NUP214: variants seen among roughly 807,000 people sequenced by gnomAD.
NUP214 encodes nucleoporin 214.
Under a neutral mutation model 196.2 loss-of-function variants are expected in NUP214, and 79 were observed. That is an observed-to-expected ratio of 0.40 (90% confidence interval 0.34 to 0.49). NUP214 has a LOEUF of 0.49. Among genes scored for constraint, NUP214 ranks in the 20% least tolerant of loss-of-function variants. The pLI is 0.58. For missense variants in NUP214, 2,468 were observed against 2,539.0 expected, an observed-to-expected ratio of 0.97 and a Z score of 0.60; for synonymous variants, 1,020 against 990.5, an observed-to-expected ratio of 1.03 and a Z score of -0.56.
chr9:131,179,020 G>A (rs140471895), intron 24 of NUP214, among the ~76,000 whole-genome samples: 2 of 151,948 alleles, frequency 1.3e-5, no homozygotes, highest in East Asian at 3.9e-4. Context: ...TCTTAGACAA[G>A]GTCTCACTCT....
chr9:131,234,333 G>A lies in NUP214; in HGVS notation c.*846G>A. The A allele has an allele frequency of 4.3e-6, 1 of 232,996 alleles. No individual in the cohort carries two copies. Among genetic ancestry groups the A allele is most frequent in the South Asian group, 1.8e-4 (1 of 5,526 alleles). 14.4% of individuals were successfully genotyped at this position (232,996 alleles called of 1,614,324 possible). A position where few individuals can be genotyped will look rare whatever the true frequency, so the allele number is the denominator to read the frequency against. On this transcript the variant is annotated 3_prime_UTR_variant, in exon 36 of 36. Coordinates refer to ENST00000359428, the MANE Select transcript of NUP214 (RefSeq NM_005085.4). ...AAGTGTGAAGACAGACACTGCTGTT[G>A]CCAGACAACACTAGCAGAACGATGC...
chr9:131,187,665 G>A (rs563687035), intron 25 of NUP214, among the ~76,000 whole-genome samples: 15 of 152,330 alleles, frequency 9.8e-5, no homozygotes, highest in Non-Finnish European at 2.1e-4. Context: ...GGGATTACAG[G>A]TGTGAGCCAC....
chr9:131,138,325 T>G (rs1831804554), intron 9 of NUP214, among the ~76,000 whole-genome samples: 1 of 151,480 alleles, frequency 6.6e-6, no homozygotes, highest in Non-Finnish European at 1.5e-5. Context: ...TTCAAGTGAT[T>G]ATCCTGCCTC....
intron 5 of NUP214, 60 bp from the exon 6 acceptor site, chr9:131,132,536 T>G: frequency 7.1e-7 from 1 of 1,418,136 alleles, no homozygotes; most frequent in Non-Finnish European, 1.0e-6. Context: ...ATTTGACAGT[T>G]TGATTGGTTT....
chr9:131,166,624 C>T (rs984968674), intron 21 of NUP214, among the ~76,000 whole-genome samples: 2 of 152,112 alleles, frequency 1.3e-5, no homozygotes, highest in South Asian at 4.1e-4. Flanking sequence ...AAAACAAAAA[C>T]GTATATCCCT....
intron 9 of NUP214, chr9:131,136,332 C>T (rs1831727307): frequency 4.9e-6 from 1 of 203,406 alleles, no homozygotes; most frequent in Non-Finnish European, 1.0e-5. Context: ...TATACATGAT[C>T]TCACATCTGT....
rs987240955 is a variant in NUP214 at position 131,128,642 on chromosome 9, T to G, written c.393+159T>G. On this transcript the variant is annotated intron_variant, in intron 3 of 35. Coordinates refer to ENST00000359428, the MANE Select transcript of NUP214 (RefSeq NM_005085.4). ...TCCTTAATTATAGAATCATAGATCTTTGAGACAGAAGGGACTTCAAGAAAT... is the reference window on the plus strand; with the variant it reads ...TCCTTAATTATAGAATCATAGATCTGTGAGACAGAAGGGACTTCAAGAAAT... The G allele has an allele frequency of 4.4e-5, 25 of 572,750 alleles. No homozygotes were observed. In the African/African-American group the frequency reaches 4.6e-4, roughly 10 times the overall value. The allele number at this position is 572,750 out of a possible 1,614,324, so 35.5% of individuals were successfully genotyped here.
chr9:131,221,143 T>G (rs1429000568), intron 31 of NUP214, among the ~76,000 whole-genome samples: 1 of 152,218 alleles, frequency 6.6e-6, no homozygotes, highest in African/African-American at 2.4e-5. Flanking sequence ...AACTTTGGGC[T>G]AGCTCGATAA....
chr9:131,139,373 C>A lies in NUP214; in HGVS notation c.1098C>A (p.Val366=). Reference sequence around the variant, plus strand: ...ATGACTCCTTGCCCATGGGAGTTGTCGTAGACTATACAAACCAAGTGGAAA... The same window carrying A: ...ATGACTCCTTGCCCATGGGAGTTGTAGTAGACTATACAAACCAAGTGGAAA... ...KSDDSLPMGV[V]VDYTNQVEIT... Residue 366 remains valine (V), a synonymous_variant, in exon 10 of 36, where the codon GTC becomes GTA. Coordinates refer to ENST00000359428, the MANE Select transcript of NUP214 (RefSeq NM_005085.4). 6.2e-7 allele frequency: 1 copy of A among 1,603,238 alleles called. No homozygotes were observed. Among genetic ancestry groups the A allele is most frequent in the Non-Finnish European group, 8.5e-7 (1 of 1,176,486 alleles).
chr9:131,218,961 A>AGAT (rs907831001), intron 31 of NUP214, among the ~76,000 whole-genome samples: 2 of 152,096 alleles, frequency 1.3e-5, no homozygotes, highest in African/African-American at 4.8e-5. Context: ...CTTCTTTAAA[A>AGAT]GATGAATGCA....
chr9:131,192,553 T>C (rs1833636681), intron 27 of NUP214: 4 of 285,222 alleles, frequency 1.4e-5, no homozygotes, highest in Non-Finnish European at 2.6e-5. Context: ...TTTCTTTGAG[T>C]AATGAGTCTG....
In NUP214 at chr9:131,198,465, C is replaced by T; in HGVS notation, c.4971C>T (p.Phe1657=). 1 of 1,614,198 alleles carries T rather than the reference C, an allele frequency of 6.2e-7. No individual in the cohort carries two copies. Among genetic ancestry groups the T allele is most frequent in the Non-Finnish European group, 8.5e-7 (1 of 1,180,042 alleles). ...QPPAASSSSA[F]NQLTNNTATA... ...CTGCTGCCAGTTCTAGCTCAGCTTT[C>T]AACCAGCTCACCAACAACACAGCCA... Residue 1657 remains phenylalanine, a synonymous_variant, in exon 29 of 36, where the codon TTC becomes TTT. Coordinates refer to ENST00000359428, the MANE Select transcript of NUP214 (RefSeq NM_005085.4).
At chr9:131,224,277 T>C (rs991610498) in intron 32 of NUP214, among the ~76,000 whole-genome samples, 2 of 152,230 alleles carry the variant, frequency 1.3e-5, no homozygotes, top group African/African-American at 4.8e-5. Flanking sequence ...TGTTTAGATC[T>C]GAAAACATGT....
intron 26 of NUP214, 116 bp from the exon 27 acceptor site, chr9:131,192,091 TG>T (rs1218054890): frequency 2.3e-5 from 14 of 612,432 alleles, no homozygotes; most frequent in Non-Finnish European, 3.7e-5. Context: ...AAGGCACATG[TG>T]GTGCTAAGCA....
At chr9:131,197,112 T>C (rs1833809818) in intron 28 of NUP214, 104 bp from the exon 29 acceptor site, 1 of 1,496,314 alleles carries the variant, frequency 6.7e-7, no homozygotes, top group Non-Finnish European at 9.0e-7. Context: ...CCTGACTCTG[T>C]AGAGGGAGGA....
chr9:131,199,167 C>G (rs1833879144), intron 29 of NUP214, 152 bp downstream of exon 29: 1 of 983,296 alleles, frequency 1.0e-6, no homozygotes, highest in Non-Finnish European at 1.5e-6. Flanking sequence ...CATGTGGTCT[C>G]AGGAACTTGT....
chr9:131,162,028 T>G (rs1476709139), intron 18 of NUP214, among the ~76,000 whole-genome samples: 1 of 152,172 alleles, frequency 6.6e-6, no homozygotes, highest in Non-Finnish European at 1.5e-5. Flanking sequence ...TTTTTTAAGC[T>G]TATCAGCCAG....
intron 17 of NUP214, among the ~76,000 whole-genome samples, chr9:131,158,299 G>C (rs1832521985): frequency 6.6e-6 from 1 of 152,122 alleles, no homozygotes; most frequent in Non-Finnish European, 1.5e-5. Context: ...GGCTGGTCTG[G>C]AAGTCCTGGC....
At position 131,125,886 on chromosome 9, in the gene NUP214, C is replaced by A; in HGVS notation, c.45+137C>A. 3.1e-6 allele frequency: 3 copies of A among 960,296 alleles called. No homozygotes were observed. The highest frequency in any genetic ancestry group is 4.6e-6 in the Non-Finnish European group (3 of 648,404). 59.5% of individuals were successfully genotyped at this position (960,296 alleles called of 1,614,324 possible). A position where few individuals can be genotyped will look rare whatever the true frequency, so the allele number is the denominator to read the frequency against. On this transcript the variant is annotated intron_variant, in intron 1 of 35. Transcript: ENST00000359428. The surrounding 1 kb of genome is among the most constrained non-coding windows in gnomAD (Gnocchi z 4.1). ...ACCGCGTTCACAGCTCTCACCAGCG[C>A]GTCTGCCGCGCCGCTGGCGTGATAG...
Sources: allele counts gnomAD v4.1 joint callset (sites outside exome capture counted in the v4.1 genomes callset), GRCh38; gene constraint gnomAD v4.1.1; non-coding constraint Gnocchi (gnomAD v3.1); transcripts MANE v1.5; gene names NCBI Gene and HGNC (gene_info 2026-07-23, HGNC 2026-07-21).